The following POU6F2 variants were observed in gnomAD, a reference collection of about 807,000 sequenced individuals.
POU6F2 encodes the protein POU class 6 homeobox 2, also known as POU domain, class 6, transcription factor 2.
Under a neutral mutation model 71.3 loss-of-function variants are expected in POU6F2, and 31 were observed. The observed-to-expected ratio is 0.43, with a 90% CI of 0.33 to 0.59. POU6F2 has a LOEUF of 0.59. Among genes scored for constraint, POU6F2 ranks in the 20% least tolerant of loss-of-function variants. The pLI, the probability that POU6F2 is intolerant of heterozygous loss-of-function variation, is 0.04. For missense variants in POU6F2, 783 were observed against 856.8 expected (o/e 0.91, Z 1.07); for synonymous variants, 347 against 355.7 (o/e 0.98, Z 0.27).
chr7:39,086,972 C>A (rs1791259665), intron 2 of POU6F2, among the ~76,000 whole-genome samples: 2 of 150,346 alleles, frequency 1.3e-5, no homozygotes, highest in South Asian at 4.2e-4. Flanking sequence ...TGTGCACACA[C>A]ACATAGACAT....
At chr7:39,046,523 G>C (rs1562684400) in intron 1 of POU6F2, among the ~76,000 whole-genome samples, 1 of 151,966 alleles carries the variant, frequency 6.6e-6, no homozygotes, top group East Asian at 1.9e-4. Flanking sequence ...CCAAGTCACA[G>C]AGCTTTTCTT....
chr7:38,988,428 T>C lies in POU6F2; in HGVS notation c.105+10370T>C, dbSNP rs551120110. On this transcript the variant is annotated intron_variant, in intron 1 of 9. Transcript: ENST00000518318. ...AACCCCTCCTGCCCCCCGCCAATCA[T>C]AAATCAACAGCAGAAGAGGAATGGA... is the stretch of plus-strand genomic sequence containing the variant. Among the ~76,000 whole-genome samples, 108 of 152,182 alleles carry C rather than the reference T, an allele frequency of 7.1e-4. 1 individual carries two copies. The highest frequency in any genetic ancestry group is 1.2e-3 in the Non-Finnish European group (79 of 67,976).
intron 6 of POU6F2, among the ~76,000 whole-genome samples, chr7:39,413,919 C>T (rs1787611934): frequency 6.6e-6 from 1 of 152,198 alleles, no homozygotes; most frequent in African/African-American, 2.4e-5. Context: ...TAAATGTGCG[C>T]TTCGGGAAAA....
At chr7:39,199,680 G>T (rs1217747893) in intron 2 of POU6F2, among the ~76,000 whole-genome samples, 2 of 152,156 alleles carry the variant, frequency 1.3e-5, no homozygotes, top group Non-Finnish European at 2.9e-5. Context: ...ACCTCTGTGG[G>T]TCACAGTCCC....
chr7:39,308,281 G>A lies in POU6F2; in HGVS notation c.599-31361G>A, dbSNP rs557895952. Among the ~76,000 whole-genome samples the A allele has an allele frequency of 1.3e-4, 20 of 152,342 alleles. No homozygotes were observed. The East Asian group carries it at 3.7e-3, about 28-fold the overall frequency. On this transcript the variant is annotated intron_variant, in intron 4 of 9. Coordinates refer to ENST00000518318, the MANE Select transcript of POU6F2 (RefSeq NM_001370959.1). Reference sequence around the variant, plus strand: ...TTCCAAGTACCCCCAACCTAGGGCAGTGTTGGGGTGGGGGCACGGATGGGG... The same window carrying A: ...TTCCAAGTACCCCCAACCTAGGGCAATGTTGGGGTGGGGGCACGGATGGGG...
chr7:39,377,485 T>C (rs1786733844), intron 5 of POU6F2, among the ~76,000 whole-genome samples: 1 of 152,196 alleles, frequency 6.6e-6, no homozygotes, highest in Non-Finnish European at 1.5e-5. Flanking sequence ...TAAATGAAAA[T>C]GTTTGCCATA....
intron 5 of POU6F2, chr7:39,404,858 A>G (rs918618779): frequency 6.6e-6 from 1 of 152,172 alleles, no homozygotes; most frequent in Admixed American, 6.5e-5. Flanking sequence ...AAGGAGAGTT[A>G]CTTCTGGATG....
intron 6 of POU6F2, among the ~76,000 whole-genome samples, chr7:39,418,689 C>CA (rs1432505687): frequency 0.02 from 2,367 of 119,106 alleles, 27 homozygotes; most frequent in Middle Eastern, 0.04. Flanking sequence ...GACTCTGTCT[C>CA]AAAAAAAAAA....
At chr7:39,090,511 T>A (rs1467110132) in intron 2 of POU6F2, among the ~76,000 whole-genome samples, 1 of 152,124 alleles carries the variant, frequency 6.6e-6, no homozygotes, top group Non-Finnish European at 1.5e-5. Flanking sequence ...ACTGTCTTCA[T>A]TACTTTATTT....
chr7:39,271,475 T>A (rs1299564222), intron 4 of POU6F2, among the ~76,000 whole-genome samples: 3 of 144,738 alleles, frequency 2.1e-5, no homozygotes, highest in Non-Finnish European at 4.5e-5. Context: ...ACCCAGGTAC[T>A]GTCTTGTGCT....
chr7:39,096,318 C>T (rs551901634), intron 2 of POU6F2, among the ~76,000 whole-genome samples: 1 of 152,214 alleles, frequency 6.6e-6, no homozygotes, highest in Non-Finnish European at 1.5e-5. Flanking sequence ...AAAGGCCAAA[C>T]AATTTTTAAA....
intron 5 of POU6F2, among the ~76,000 whole-genome samples, chr7:39,400,162 C>G (rs1017677928): frequency 1.3e-5 from 2 of 152,106 alleles, no homozygotes; most frequent in Non-Finnish European, 2.9e-5. Context: ...CCAGCCAGGT[C>G]GAATTCTCCT....
In POU6F2 at chr7:39,467,344, C is replaced by T. The variant is rs1215230097; in HGVS notation, c.*2658C>T. 1 of 152,090 alleles carries T rather than the reference C, an allele frequency of 6.6e-6. No homozygotes were observed. Among genetic ancestry groups the T allele is most frequent in the African/African-American group, 2.4e-5 (1 of 41,400 alleles). 9.4% of individuals were successfully genotyped at this position (152,090 alleles called of 1,614,324 possible). A position where few individuals can be genotyped will look rare whatever the true frequency, so the allele number is the denominator to read the frequency against. ...TGTGTAACTCATAAGTCTTTGGGAC[C>T]ACACCTAATGCTTAATTTTATGATG... On this transcript the variant is annotated 3_prime_UTR_variant, in exon 10 of 10. Transcript: ENST00000518318.
chr7:39,308,658 A>C (rs781389847), intron 4 of POU6F2, among the ~76,000 whole-genome samples: 2 of 152,180 alleles, frequency 1.3e-5, no homozygotes, highest in Admixed American at 6.5e-5. Context: ...CCCCTCTCTC[A>C]TACCAGGCAG....
rs149617494 is a variant in POU6F2, at chr7:39,464,636, A to G, written c.2113A>G (p.Thr705Ala). The change falls in exon 10 of 10, where the codon ACG becomes GCG. Residue 705 changes from threonine (T) to alanine (A), a missense_variant. Thr to Ala is a moderately conservative substitution (Grantham distance 58). Around this residue, in one of 2 missense-constraint regions of POU6F2, gnomAD observed 211 missense variants for 283.9 expected, o/e 0.74. Transcript: ENST00000518318. This position sits in a 1 kb window ranked among gnomAD's most constrained non-coding sequence, Gnocchi z 4.1. The stretch of plus-strand genomic sequence containing the variant: ...ACGCTTAAAACAGCACGAGCCGGCC[A>G]CGGCAGTCCCTTTGGAGCCCTTAAC... ...IKRLKQHEPA[T>A]AVPLEPLTDS... 1 of 1,609,222 alleles carries G rather than the reference A, an allele frequency of 6.2e-7. No homozygotes were observed.
intron 1 of POU6F2, among the ~76,000 whole-genome samples, chr7:39,010,618 G>C (rs1584496127): frequency 7.3e-6 from 1 of 137,620 alleles, no homozygotes; most frequent in East Asian, 2.2e-4. Context: ...GTGATGTTAG[G>C]GTGTCAATTT....
At chr7:39,036,737 A>G (rs1010290284) in intron 1 of POU6F2, among the ~76,000 whole-genome samples, 1 of 152,034 alleles carries the variant, frequency 6.6e-6, no homozygotes, top group Non-Finnish European at 1.5e-5. Flanking sequence ...CATTTTATGC[A>G]TATGAATTTA....
chr7:39,162,205 T>C (rs115014841), intron 2 of POU6F2, among the ~76,000 whole-genome samples: 2,458 of 152,208 alleles, frequency 0.016, 76 homozygotes, highest in African/African-American at 0.055. Flanking sequence ...TGAAGCCATG[T>C]GATAGAAAAA....
intron 4 of POU6F2, among the ~76,000 whole-genome samples, chr7:39,208,192 T>C (rs192154077): frequency 6.6e-6 from 1 of 152,214 alleles, no homozygotes; most frequent in Non-Finnish European, 1.5e-5. Context: ...CAGGGACATA[T>C]AACAAGTCAG....
Sources: gnomAD v4.1 joint callset for allele counts (sites outside exome capture counted in the v4.1 genomes callset) on GRCh38, gnomAD v4.1.1 for gene constraint, gnomAD v4.1.1 regional missense constraint, Gnocchi (gnomAD v3.1) non-coding constraint, MANE v1.5 for transcripts, NCBI Gene and HGNC (gene_info 2026-07-23, HGNC 2026-07-21) for gene names.